Variants in SLC6A18 observed in about 807,000 individuals in gnomAD.
The protein encoded by SLC6A18 is solute carrier family 6 member 18.
A neutral mutation model predicts 62.9 loss-of-function variants in SLC6A18; 58 were observed. The observed-to-expected ratio is 0.92, with a 90% CI of 0.75 to 1.15. The LOEUF (loss-of-function observed/expected upper bound fraction) is 1.15, where lower values mean the gene tolerates loss of function less well. SLC6A18 is among the 50% of genes most tolerant of loss of function. SLC6A18 has a pLI of 0.00. For synonymous variants in SLC6A18, 382 were observed against 365.8 expected (o/e 1.04, Z -0.51); for missense variants, 793 against 836.6 (o/e 0.95, Z 0.64).
In SLC6A18 at chr5:1,230,608, G is replaced by A. The variant is rs149827873; in HGVS notation, c.161-1611G>A. Reference sequence around the variant, plus strand: ...GGGCCTCCCTGTGCCCGTGGCAGTCGCAGAACATTCTCATGGTGACACAAA... The same window carrying A: ...GGGCCTCCCTGTGCCCGTGGCAGTCACAGAACATTCTCATGGTGACACAAA... On this transcript the variant is annotated intron_variant, in intron 1 of 11. Transcript: ENST00000324642. 4.1e-4 allele frequency among the ~76,000 whole-genome samples: 62 copies of A among 152,334 alleles called. No individual in the cohort carries two copies. In the East Asian group the frequency reaches 6.2e-3, roughly 15 times the overall value.
At chr5:1,238,094 C>A (rs200024384) in intron 5 of SLC6A18, 34 bp downstream of exon 5, 44 of 1,505,818 alleles carry the variant, frequency 2.9e-5, no homozygotes, top group Non-Finnish European at 3.8e-5. Flanking sequence ...TCAGGGCCTC[C>A]AGCACACACA....
chr5:1,234,030 C>G (rs954922223), intron 3 of SLC6A18, among the ~76,000 whole-genome samples: 1 of 152,074 alleles, frequency 6.6e-6, no homozygotes, highest in Admixed American at 6.5e-5. Flanking sequence ...CGTGAGCCAC[C>G]GCGCCCGGCC....
At chr5:1,233,487 T>G (rs1401744972) in intron 3 of SLC6A18, among the ~76,000 whole-genome samples, 2 of 151,278 alleles carry the variant, frequency 1.3e-5, no homozygotes, top group African/African-American at 4.9e-5. Flanking sequence ...CAAAAAACAA[T>G]CGAACAAACA....
intron 1 of SLC6A18, among the ~76,000 whole-genome samples, chr5:1,230,360 G>A (rs993686805): frequency 6.6e-6 from 1 of 152,130 alleles, no homozygotes; most frequent in Non-Finnish European, 1.5e-5. Context: ...GTTCCCTTTT[G>A]CTCCAGGCCC....
At position 1,238,015 on chromosome 5, in the gene SLC6A18, C is replaced by T; in HGVS notation, c.687C>T (p.Thr229=). 1 of 1,614,208 alleles carries T rather than the reference C, an allele frequency of 6.2e-7. No homozygotes were observed. The highest frequency in any genetic ancestry group is 8.5e-7 in the Non-Finnish European group (1 of 1,180,028). The change falls in exon 5 of 12, where the codon ACC becomes ACT. Residue 229 remains threonine, a synonymous_variant. Coordinates refer to ENST00000324642, the MANE Select transcript of SLC6A18 (RefSeq NM_182632.3). The part of the protein sequence containing the change: ...VLTIFLIRGL[T]LPGATKGLIY... ...CCATCTTTCTCATCAGAGGGCTGAC[C>T]CTGCCAGGGGCAACAAAAGGACTCA...
rs760667203 is a variant in SLC6A18, at chr5:1,239,525, G to A, written c.808G>A (p.Gly270Arg). The change falls in exon 6 of 12, where the codon GGA becomes AGA. Residue 270 changes from glycine (G) to arginine (R), a missense_variant. Coordinates refer to ENST00000324642, the MANE Select transcript of SLC6A18 (RefSeq NM_182632.3). ...QIFFSLSLAF[G>R]GHIAFASYNS... is the part of the protein sequence containing the mutation. ...ATTCTTCTCTCTGTCCCTGGCCTTC[G>A]GAGGACACATCGCTTTTGCAAGTTA... The A allele has an allele frequency of 5.1e-5, 83 of 1,614,126 alleles. No individual in the cohort carries two copies. Among genetic ancestry groups the A allele is most frequent in the Non-Finnish European group, 6.1e-5 (72 of 1,180,012 alleles).
intron 7 of SLC6A18, among the ~76,000 whole-genome samples, chr5:1,242,283 A>G (rs953186100): frequency 2.6e-5 from 4 of 152,218 alleles, no homozygotes; most frequent in South Asian, 4.1e-4. Flanking sequence ...GGCAGTGTGC[A>G]TGGAGTAAAC....
intron 3 of SLC6A18, among the ~76,000 whole-genome samples, chr5:1,233,841 A>C (rs1198229401): frequency 1.3e-5 from 2 of 151,410 alleles, no homozygotes; most frequent in Non-Finnish European, 2.9e-5. Context: ...TCCCAGGTTC[A>C]CGCCATTCTC....
intron 1 of SLC6A18, among the ~76,000 whole-genome samples, chr5:1,226,957 ACGCC>A (rs1746588588): frequency 2.6e-5 from 1 of 38,386 alleles, no homozygotes; most frequent in Non-Finnish European, 6.6e-5. Flanking sequence ...GCCTTGCCCA[ACGCC>A]TTGCCCACCG....
chr5:1,237,564 G>A (rs1169456867), intron 4 of SLC6A18, among the ~76,000 whole-genome samples: 4 of 152,130 alleles, frequency 2.6e-5, no homozygotes, highest in East Asian at 1.9e-4. Flanking sequence ...GGTCAGAAAC[G>A]AGGGTGACCA....
At chr5:1,239,211 C>A (rs1208047027) in intron 5 of SLC6A18, among the ~76,000 whole-genome samples, 1 of 152,240 alleles carries the variant, frequency 6.6e-6, no homozygotes, top group Non-Finnish European at 1.5e-5. Context: ...CTCATGTGCG[C>A]CTGACAGCCA....
intron 11 of SLC6A18, among the ~76,000 whole-genome samples, chr5:1,244,987 G>A (rs6871519): frequency 6.6e-6 from 1 of 152,274 alleles, no homozygotes; most frequent in East Asian, 1.9e-4. Flanking sequence ...GAAATGGCAT[G>A]GGGGTGACCA....
intron 3 of SLC6A18, among the ~76,000 whole-genome samples, chr5:1,234,012 A>G (rs1012680576): frequency 2.5e-4 from 38 of 152,084 alleles, no homozygotes; most frequent in Non-Finnish European, 3.5e-4. Flanking sequence ...AAGTGCTGGG[A>G]TTACAGGCGT....
chr5:1,230,778 G>A lies in SLC6A18; in HGVS notation c.161-1441G>A, dbSNP rs561454313. ...GCAGCCGGCACCCATGTAGGTCAGC[G>A]TCTTAGGGCAGAAGGCCTGAGGTCA... is the stretch of plus-strand genomic sequence containing the variant. On this transcript the variant is annotated intron_variant, in intron 1 of 11. Transcript: ENST00000324642. Among the ~76,000 whole-genome samples, 17 of 152,320 alleles carry A rather than the reference G, an allele frequency of 1.1e-4. No individual in the cohort carries two copies. The South Asian group carries it at 2.5e-3, about 22-fold the overall frequency.
chr5:1,235,593 C>CATCT lies in SLC6A18; in HGVS notation c.553_556dup (p.Cys186TyrfsTer19). ...GTGGCTCCATCCAGTGGTGGCTGCT[C>CATCT]ATCTGCTTGGCAGCCTCCTGGGCAG... On this transcript the variant is annotated frameshift_variant, in exon 4 of 12. Coordinates refer to ENST00000324642, the MANE Select transcript of SLC6A18 (RefSeq NM_182632.3). LOFTEE classifies it high-confidence loss of function. The CATCT allele has an allele frequency of 6.2e-7, 1 of 1,614,038 alleles. No homozygotes were observed. The highest frequency in any genetic ancestry group is 2.2e-5 in the East Asian group (1 of 44,882).
chr5:1,244,831 G>T, intron 11 of SLC6A18, 64 bp downstream of exon 11: 1 of 1,505,860 alleles, frequency 6.6e-7, no homozygotes, highest in East Asian at 2.3e-5. Flanking sequence ...TGGCCCCTAC[G>T]GTGCCATCCG....
Position 1,240,633 on chromosome 5 carries a change from T to A in SLC6A18, c.948T>A (p.Thr316=). The A allele has an allele frequency of 1.2e-6, 2 of 1,614,108 alleles. No homozygotes were observed. Among genetic ancestry groups the A allele is most frequent in the African/African-American group, 1.3e-5 (1 of 75,058 alleles). The part of the protein sequence containing the change: ...AVFSVLGFKA[T]NDYEHCLDRN... The stretch of plus-strand genomic sequence containing the variant: ...TCTCTGTCCTGGGGTTCAAAGCAAC[T>A]AATGACTACGAGCACTGCCTGGACA... The change falls in exon 7 of 12, where the codon ACT becomes ACA. Residue 316 remains threonine (T), a synonymous_variant. Coordinates refer to ENST00000324642, the MANE Select transcript of SLC6A18 (RefSeq NM_182632.3).
Position 1,242,807 on chromosome 5 carries a change from A to G in SLC6A18, c.1075A>G (p.Lys359Glu). ...VLMHLNATWP[K>E]RVAQLPLKAC... ...CATGCACCTGAACGCCACCTGGCCC[A>G]AGAGGGTGGCCCAGCTCCCCCTGAA... The change falls in exon 8 of 12, where the codon AAG (lysine) becomes GAG (glutamate). Residue 359 changes from lysine (K) to glutamate (E), a missense_variant. By Grantham distance (56) the Lys-to-Glu change is moderately conservative. Coordinates refer to ENST00000324642, the MANE Select transcript of SLC6A18 (RefSeq NM_182632.3). The G allele has an allele frequency of 6.2e-7, 1 of 1,613,864 alleles. No homozygotes were observed. The highest frequency in any genetic ancestry group is 1.7e-5 in the Admixed American group (1 of 60,006).
chr5:1,244,179 C>G, intron 9 of SLC6A18, 35 bp from the exon 10 acceptor site: 1 of 1,136,784 alleles, frequency 8.8e-7, no homozygotes. Context: ...ACTCCCCATC[C>G]CCTTACCCCC....
Sources: allele counts gnomAD v4.1 joint callset (sites outside exome capture counted in the v4.1 genomes callset), GRCh38; gene constraint gnomAD v4.1.1; transcripts MANE v1.5; gene names NCBI Gene and HGNC (gene_info 2026-07-23, HGNC 2026-07-21).